PTPRZ1: variants seen among roughly 807,000 people sequenced by gnomAD.
PTPRZ1 encodes the protein receptor-type tyrosine-protein phosphatase zeta.
PTPRZ1 carries 82 observed loss-of-function variants against 214.1 expected under a neutral mutation model. That is an observed-to-expected ratio of 0.38 (90% CI 0.32 to 0.46). PTPRZ1 has a LOEUF of 0.46. PTPRZ1 is among the 20% of genes least tolerant of loss of function. The pLI, the probability that PTPRZ1 is intolerant of heterozygous loss-of-function variation, is 1.00. For synonymous variants in PTPRZ1, 945 were observed against 987.9 expected (o/e 0.96, Z 0.81); for missense variants, 2,603 against 2,748.7 (o/e 0.95, Z 1.19).
At chr7:122,010,245 C>A in intron 11 of PTPRZ1, 89 bp from the exon 12 acceptor site, 1 of 1,291,950 alleles carries the variant, frequency 7.7e-7, no homozygotes, top group South Asian at 1.5e-5. Context: ...CCCAAGATAC[C>A]ACAAGTGATG....
Position 121,984,778 on chromosome 7 carries a change from TGCCGTCTGTTTTTTG to T in PTPRZ1, c.928+662_928+676del, listed in dbSNP as rs1477400072. On this transcript the variant is annotated intron_variant, in intron 8 of 29. Coordinates refer to ENST00000393386, the MANE Select transcript of PTPRZ1 (RefSeq NM_002851.3). ...TGACACCAGAGGGGTGTCTCTAGAA[TGCCGTCTGTTTTTTG>T]AAGCTGACACAGTAGTTAAAAGCAT... 1.4e-3 allele frequency among the ~76,000 whole-genome samples: 211 copies of T among 152,282 alleles called. 3 individuals are homozygous for T. The South Asian group carries it at 0.019, about 14-fold the overall frequency.
intron 1 of PTPRZ1, among the ~76,000 whole-genome samples, chr7:121,888,439 C>G (rs1206473): frequency 0.61 from 92,967 of 151,778 alleles, 30,658 homozygotes; most frequent in African/African-American, 0.87. Flanking sequence ...GGCTGAAATA[C>G]TTATGAGACT....
intron 1 of PTPRZ1, among the ~76,000 whole-genome samples, chr7:121,876,963 T>C (rs189547266): frequency 9.1e-4 from 139 of 152,300 alleles, no homozygotes; most frequent in African/African-American, 3.2e-3. Flanking sequence ...GTGAGAGATT[T>C]GCTTGACCAC....
In PTPRZ1 at chr7:122,031,559, G is replaced by A; in HGVS notation, c.5166G>A (p.Glu1722=). 1 of 1,589,658 alleles carries A rather than the reference G, an allele frequency of 6.3e-7. No individual in the cohort carries two copies. The highest frequency in any genetic ancestry group is 1.3e-5 in the African/African-American group (1 of 74,396). The change falls in exon 15 of 30, where the codon GAG becomes GAA. Residue 1722 remains glutamate, a splice_region_variant and synonymous_variant. Coordinates refer to ENST00000393386, the MANE Select transcript of PTPRZ1 (RefSeq NM_002851.3). The part of the protein sequence containing the change: ...HASSGFTEEF[E]TLKEFYQEVQ... The stretch of plus-strand genomic sequence containing the variant: ...GTAGTGGGTTTACTGAAGAATTTGA[G>A]GTATGATTTTAATATGTCTATTTTA...
chr7:121,971,548 C>A (rs1206572917), intron 3 of PTPRZ1, among the ~76,000 whole-genome samples: 1 of 152,046 alleles, frequency 6.6e-6, no homozygotes, highest in Non-Finnish European at 1.5e-5. Context: ...CAGTGGGGAA[C>A]CTTTGAGCAA....
Position 122,011,909 on chromosome 7 carries a change from G to A in PTPRZ1, c.2863G>A (p.Gly955Ser), listed in dbSNP as rs763354591. The A allele has an allele frequency of 4.3e-6, 7 of 1,614,186 alleles. No individual in the cohort carries two copies. The highest frequency in any genetic ancestry group is 1.1e-5 in the South Asian group (1 of 91,088). Reference protein sequence around the residue: ...SSAIPVHDSVGVTYQGSLFSG... With the variant: ...SSAIPVHDSVSVTYQGSLFSG... Reference sequence around the variant, plus strand: ...TGCAATACCTGTGCATGATTCTGTGGGTGTAACTTATCAGGGTTCCTTATT... The same window carrying A: ...TGCAATACCTGTGCATGATTCTGTGAGTGTAACTTATCAGGGTTCCTTATT... Residue 955 changes from glycine (G) to serine (S), a missense_variant, in exon 12 of 30, where the codon GGT (glycine) becomes AGT (serine). Coordinates refer to ENST00000393386, the MANE Select transcript of PTPRZ1 (RefSeq NM_002851.3).
intron 8 of PTPRZ1, among the ~76,000 whole-genome samples, chr7:121,986,535 T>C (rs1010899253): frequency 3.3e-5 from 5 of 152,200 alleles, no homozygotes; most frequent in Non-Finnish European, 7.4e-5. Context: ...GTTCTAGAAA[T>C]ACATGATAGG....
chr7:121,886,161 G>T (rs1794389494), intron 1 of PTPRZ1, among the ~76,000 whole-genome samples: 1 of 152,100 alleles, frequency 6.6e-6, no homozygotes, highest in African/African-American at 2.4e-5. Context: ...GATTGATATA[G>T]ACTTTTTTGT....
chr7:121,943,616 G>A (rs188353545), intron 2 of PTPRZ1, among the ~76,000 whole-genome samples: 5 of 152,300 alleles, frequency 3.3e-5, no homozygotes, highest in Non-Finnish European at 7.3e-5. Flanking sequence ...GGGATTACAG[G>A]CGTGAGCCAC....
At chr7:121,951,951 A>ATTTTT (rs1273271925) in intron 2 of PTPRZ1, among the ~76,000 whole-genome samples, 5 of 50,502 alleles carry the variant, frequency 9.9e-5, no homozygotes, top group Admixed American at 2.6e-4. Flanking sequence ...ATGCGAGTGT[A>ATTTTT]TTTATTTATT....
intron 2 of PTPRZ1, among the ~76,000 whole-genome samples, chr7:121,963,097 G>T (rs935381725): frequency 3.3e-5 from 5 of 152,104 alleles, no homozygotes; most frequent in Admixed American, 6.5e-5. Flanking sequence ...AAGAAAGCAT[G>T]TTGAGCCCAC....
At chr7:121,908,277 C>A (rs990855719) in intron 1 of PTPRZ1, 7 of 224,948 alleles carry the variant, frequency 3.1e-5, no homozygotes, top group Non-Finnish European at 6.2e-5. Context: ...GTTGTCAACT[C>A]CATATCTTTC....
intron 13 of PTPRZ1, among the ~76,000 whole-genome samples, chr7:122,022,914 TTA>T (rs2116694844): frequency 6.6e-6 from 1 of 152,284 alleles, no homozygotes; most frequent in South Asian, 2.1e-4. Flanking sequence ...CCCAGAAATC[TTA>T]TGTTTACGAT....
rs1795999453 is a variant in PTPRZ1, at chr7:121,933,944, A to G, written c.124+5723A>G. Among the ~76,000 whole-genome samples, 3 of 152,202 alleles carry G rather than the reference A, an allele frequency of 2.0e-5. No individual in the cohort carries two copies. The South Asian group carries it at 6.2e-4, about 32-fold the overall frequency. ...ACAGACTGTTCCTTTCTAATTTCCA[A>G]TTGAGCAGTAGAAAAGAGAGTTCCA... On this transcript the variant is annotated intron_variant, in intron 2 of 29. Transcript: ENST00000393386.
At position 121,996,710 on chromosome 7, in the gene PTPRZ1, TA is replaced by T. The variant is rs1254344515; in HGVS notation, c.1113+153del. The T allele has an allele frequency of 2.0e-4, 110 of 551,188 alleles. 1 individual carries two copies. The highest frequency in any genetic ancestry group is 2.8e-4 in the South Asian group (5 of 17,558). The allele number at this position is 551,188 out of a possible 1,614,324, so 34.1% of individuals were successfully genotyped here. On this transcript the variant is annotated intron_variant, in intron 9 of 29. Transcript: ENST00000393386. ...GGGGTAGGCTGAGTATTTTTAAATT[TA>T]AAAAAAAATTTTAAATTAGAAGCTA...
intron 2 of PTPRZ1, among the ~76,000 whole-genome samples, chr7:121,958,774 A>G (rs562647246): frequency 6.6e-6 from 1 of 152,200 alleles, no homozygotes; most frequent in African/African-American, 2.4e-5. Context: ...CTCACTCCCA[A>G]ATAAGAATCC....
intron 13 of PTPRZ1, among the ~76,000 whole-genome samples, chr7:122,019,694 AATG>A (rs1798959179): frequency 6.6e-6 from 1 of 152,186 alleles, no homozygotes; most frequent in Non-Finnish European, 1.5e-5. Flanking sequence ...TACTGATAAA[AATG>A]ATAACCTGTG....
intron 3 of PTPRZ1, among the ~76,000 whole-genome samples, chr7:121,971,303 A>G (rs1797239968): frequency 6.6e-6 from 1 of 152,346 alleles, no homozygotes; most frequent in African/African-American, 2.4e-5. Context: ...TAACCAGAGA[A>G]AAATGGGAAG....
chr7:121,908,358 C>CGTAT, intron 1 of PTPRZ1: 1 of 209,046 alleles, frequency 4.8e-6, no homozygotes, highest in Non-Finnish European at 9.7e-6. Context: ...TAGATCAATC[C>CGTAT]CTTTGGAAAA....
Sources: allele counts gnomAD v4.1 joint callset (sites outside exome capture counted in the v4.1 genomes callset), GRCh38; gene constraint gnomAD v4.1.1; transcripts MANE v1.5; gene names NCBI Gene and HGNC (gene_info 2026-07-23, HGNC 2026-07-21).